MAGI2: variants seen among roughly 807,000 people sequenced by gnomAD.
MAGI2 encodes membrane associated guanylate kinase, WW and PDZ domain containing 2.
In MAGI2, 35 loss-of-function variants were observed where a neutral mutation model predicts 133.3. That is an observed-to-expected ratio of 0.26 (90% CI 0.20 to 0.35). MAGI2 has a LOEUF of 0.35. Among genes scored for constraint, MAGI2 ranks in the 10% least tolerant of loss-of-function variants. The pLI, the probability that MAGI2 is intolerant of heterozygous loss-of-function variation, is 1.00. For synonymous variants in MAGI2, 729 were observed against 710.6 expected (o/e 1.03, Z -0.41); for missense variants, 1,636 against 1,863.4 (o/e 0.88, Z 2.25).
At chr7:79,387,394 A>G (rs2129147615) in intron 1 of MAGI2, among the ~76,000 whole-genome samples, 1 of 152,144 alleles carries the variant, frequency 6.6e-6, no homozygotes, top group South Asian at 2.1e-4. Flanking sequence ...CTTCTATCAT[A>G]TCTCTGTATT....
At chr7:78,707,073 C>T (rs1229350766) in intron 2 of MAGI2, among the ~76,000 whole-genome samples, 1 of 152,076 alleles carries the variant, frequency 6.6e-6, no homozygotes, top group Non-Finnish European at 1.5e-5. Flanking sequence ...CTAAAACCCC[C>T]ACCTGTATCT....
At chr7:78,637,404 C>T (rs1325227297) in intron 2 of MAGI2, among the ~76,000 whole-genome samples, 1 of 151,054 alleles carries the variant, frequency 6.6e-6, no homozygotes, top group East Asian at 2.0e-4. Flanking sequence ...GACTATAGCT[C>T]ACCAGCAGTG....
intron 2 of MAGI2, among the ~76,000 whole-genome samples, chr7:78,888,785 A>C (rs1191838238): frequency 6.6e-6 from 1 of 152,198 alleles, no homozygotes; most frequent in Non-Finnish European, 1.5e-5. Flanking sequence ...GGGAAAAAAC[A>C]GAGCAGAAAA....
chr7:79,093,709 CTTTTCTT>C (rs1243959239), intron 1 of MAGI2, among the ~76,000 whole-genome samples: 1,642 of 116,482 alleles, frequency 0.014, 29 homozygotes, highest in African/African-American at 0.045. Flanking sequence ...TTTTTCTTTT[CTTTTCTT>C]TTTTTTTTTT....
At chr7:78,076,035 TATC>T (rs1219327273) in intron 21 of MAGI2, among the ~76,000 whole-genome samples, 28 of 152,232 alleles carry the variant, frequency 1.8e-4, no homozygotes, top group Non-Finnish European at 1.9e-4. Context: ...CTCAATTTAA[TATC>T]AAAAGTAGCA....
At chr7:78,624,723 A>T (rs1397945858) in intron 3 of MAGI2, among the ~76,000 whole-genome samples, 1 of 151,924 alleles carries the variant, frequency 6.6e-6, no homozygotes, top group Admixed American at 6.6e-5. Flanking sequence ...GATGGGGATG[A>T]TCTGTGCAGC....
At chr7:78,873,466 G>A (rs1795192950) in intron 2 of MAGI2, among the ~76,000 whole-genome samples, 1 of 152,010 alleles carries the variant, frequency 6.6e-6, no homozygotes. Context: ...CCACATGTAA[G>A]GGATCTAGGA....
In MAGI2 at chr7:78,896,035, A is replaced by C. The variant is rs185030058; in HGVS notation, c.418+111055T>G. On this transcript the variant is annotated intron_variant, in intron 2 of 21. Coordinates refer to ENST00000354212, the MANE Select transcript of MAGI2 (RefSeq NM_012301.4). ...TAAAAAAAGAATGATTCTTTTTTCAAATCAGATTGTTAGGCTTCAATAAGA... is the reference window on the plus strand; with the variant it reads ...TAAAAAAAGAATGATTCTTTTTTCACATCAGATTGTTAGGCTTCAATAAGA... Among the ~76,000 whole-genome samples, 831 of 152,300 alleles carry C rather than the reference A, an allele frequency of 5.5e-3. 5 individuals carry two copies. Among genetic ancestry groups the C allele is most frequent in the Middle Eastern group, 0.01 (3 of 294 alleles).
At chr7:78,850,869 C>A (rs988509065) in intron 2 of MAGI2, among the ~76,000 whole-genome samples, 2 of 152,008 alleles carry the variant, frequency 1.3e-5, no homozygotes, top group Non-Finnish European at 1.5e-5. Context: ...AGTCTACGAA[C>A]AAAGATACTG....
intron 1 of MAGI2, among the ~76,000 whole-genome samples, chr7:79,068,551 A>T (rs1814613599): frequency 6.6e-6 from 1 of 151,356 alleles, no homozygotes; most frequent in African/African-American, 2.5e-5. Flanking sequence ...GCCTGGATTA[A>T]TTGATTTTTT....
At chr7:78,728,415 G>A (rs1012096280) in intron 2 of MAGI2, among the ~76,000 whole-genome samples, 3 of 151,936 alleles carry the variant, frequency 2.0e-5, no homozygotes, top group African/African-American at 7.3e-5. Flanking sequence ...TTACTCTATG[G>A]AACTCAAATT....
At chr7:78,678,763 A>T (rs972706426) in intron 2 of MAGI2, among the ~76,000 whole-genome samples, 1 of 152,158 alleles carries the variant, frequency 6.6e-6, no homozygotes, top group African/African-American at 2.4e-5. Context: ...TAGACTCATT[A>T]TGTGAATTTT....
chr7:78,505,223 T>A (rs754047953), intron 4 of MAGI2, among the ~76,000 whole-genome samples: 21 of 152,188 alleles, frequency 1.4e-4, no homozygotes, highest in Non-Finnish European at 2.8e-4. Context: ...CCTCTCTGCA[T>A]CAATCTAGGA....
chr7:79,016,297 C>T (rs1215525083), intron 1 of MAGI2, among the ~76,000 whole-genome samples: 2 of 152,092 alleles, frequency 1.3e-5, no homozygotes, highest in Non-Finnish European at 2.9e-5. Context: ...TGATCTTGCT[C>T]ATGAGGCTGG....
chr7:78,258,744 CTATTT>C lies in MAGI2; in HGVS notation c.1409-2168_1409-2164del, dbSNP rs1482744217. Among the ~76,000 whole-genome samples the C allele has an allele frequency of 2.0e-5, 3 of 152,174 alleles. No homozygotes were observed. The East Asian group carries it at 5.8e-4, about 29-fold the overall frequency. On this transcript the variant is annotated intron_variant, in intron 9 of 21. Transcript: ENST00000354212. ...CTTAAAATATGTTTGTGATATTTAT[CTATTT>C]TGATACTTGTGCCTCTAGTTGATTA...
At chr7:78,743,409 AAAAG>A (rs1822613484) in intron 2 of MAGI2, among the ~76,000 whole-genome samples, 1 of 152,200 alleles carries the variant, frequency 6.6e-6, no homozygotes, top group Non-Finnish European at 1.5e-5. Context: ...TTTCACCAAA[AAAAG>A]AACCTTCCTT....
At chr7:78,906,508 C>T (rs902631274) in intron 2 of MAGI2, among the ~76,000 whole-genome samples, 2 of 152,140 alleles carry the variant, frequency 1.3e-5, no homozygotes, top group Non-Finnish European at 2.9e-5. Flanking sequence ...TCAATAGTTA[C>T]CATCCCTGAG....
chr7:78,642,718 C>T (rs764856811), intron 2 of MAGI2, among the ~76,000 whole-genome samples: 5 of 152,174 alleles, frequency 3.3e-5, no homozygotes, highest in Non-Finnish European at 5.9e-5. Context: ...AAGCATTGTA[C>T]TCTGCTTTTT....
intron 6 of MAGI2, among the ~76,000 whole-genome samples, chr7:78,464,932 A>C (rs1291869753): frequency 6.6e-6 from 1 of 152,132 alleles, no homozygotes; most frequent in Non-Finnish European, 1.5e-5. Context: ...AACCCTCAGG[A>C]ATGAGTTTAT....
Sources: gnomAD v4.1 joint callset for allele counts (sites outside exome capture counted in the v4.1 genomes callset) on GRCh38, gnomAD v4.1.1 for gene constraint, MANE v1.5 for transcripts, NCBI Gene and HGNC (gene_info 2026-07-23, HGNC 2026-07-21) for gene names.